Variants in NRG1 observed in about 807,000 individuals in gnomAD.
NRG1 encodes neuregulin 1.
In NRG1, 18 loss-of-function variants were observed where a neutral mutation model predicts 63.8. The observed-to-expected ratio is 0.28, with a 90% CI of 0.19 to 0.42. NRG1 has a LOEUF of 0.42. NRG1 is among the 10% of genes least tolerant of loss of function. The probability of loss-of-function intolerance (pLI) is 1.00; values close to 1 mark genes in which losing one functional copy is unlikely to be tolerated. For synonymous variants in NRG1, 302 were observed against 301.3 expected (o/e 1.00, Z -0.02); for missense variants, 762 against 814.7 (o/e 0.94, Z 0.79).
At chr8:32,575,903 A>T (rs1030386481) in intron 1 of NRG1, among the ~76,000 whole-genome samples, 4 of 152,220 alleles carry the variant, frequency 2.6e-5, no homozygotes, top group African/African-American at 9.6e-5. Context: ...AAAGTTTAGG[A>T]AAAAAGTATC....
intron 1 of NRG1, among the ~76,000 whole-genome samples, chr8:32,066,114 A>C (rs1824769449): frequency 6.6e-6 from 1 of 152,182 alleles, no homozygotes. Context: ...AGATTGCAAA[A>C]ATTTTCTCCC....
intron 1 of NRG1, among the ~76,000 whole-genome samples, chr8:32,527,596 A>C (rs989311275): frequency 1.4e-5 from 2 of 144,728 alleles, no homozygotes; most frequent in Admixed American, 1.3e-4. Flanking sequence ...ATCGCTATTC[A>C]GTATATCAGT....
chr8:32,637,787 C>A (rs1363103461), intron 5 of NRG1, among the ~76,000 whole-genome samples: 1 of 152,126 alleles, frequency 6.6e-6, no homozygotes, highest in African/African-American at 2.4e-5. Context: ...CTGGAGCACA[C>A]ATTTTGTGTG....
intron 1 of NRG1, among the ~76,000 whole-genome samples, chr8:32,204,266 C>T (rs1031516073): frequency 1.3e-4 from 20 of 152,142 alleles, no homozygotes; most frequent in Non-Finnish European, 1.2e-4. Context: ...AGACAGCAAA[C>T]CATTGAAAGA....
intron 1 of NRG1, among the ~76,000 whole-genome samples, chr8:32,414,777 T>C (rs1815622327): frequency 6.6e-6 from 1 of 152,182 alleles, no homozygotes; most frequent in Non-Finnish European, 1.5e-5. Flanking sequence ...CGACAAAATC[T>C]CTGCTCTCAA....
intron 1 of NRG1, among the ~76,000 whole-genome samples, chr8:31,805,122 A>C (rs925968617): frequency 6.6e-6 from 1 of 152,236 alleles, no homozygotes; most frequent in Non-Finnish European, 1.5e-5. Context: ...TATTAGCAAC[A>C]GGTTTTGAAA....
intron 1 of NRG1, among the ~76,000 whole-genome samples, chr8:31,690,845 T>C (rs1483905810): frequency 6.6e-6 from 1 of 152,122 alleles, no homozygotes; most frequent in African/African-American, 2.4e-5. Context: ...GTTGGGCCTG[T>C]TATAAAGTTG....
intron 1 of NRG1, among the ~76,000 whole-genome samples, chr8:31,854,220 C>T (rs1338674359): frequency 2.6e-5 from 4 of 151,512 alleles, no homozygotes; most frequent in East Asian, 1.9e-4. Flanking sequence ...TGGTAGAATT[C>T]GGCTGTGAAT....
At chr8:32,466,629 T>G (rs1823100321) in intron 1 of NRG1, among the ~76,000 whole-genome samples, 1 of 152,188 alleles carries the variant, frequency 6.6e-6, no homozygotes, top group Non-Finnish European at 1.5e-5. Context: ...TCTAAAAGCC[T>G]GCAGTTATTA....
intron 1 of NRG1, among the ~76,000 whole-genome samples, chr8:31,762,222 T>C (rs1185733592): frequency 6.6e-6 from 1 of 152,192 alleles, no homozygotes; most frequent in Non-Finnish European, 1.5e-5. Context: ...CAGGCCCTGA[T>C]GTGTGTCATT....
intron 1 of NRG1, among the ~76,000 whole-genome samples, chr8:32,353,378 CTG>C (rs1047526229): frequency 2.6e-5 from 4 of 151,094 alleles, no homozygotes; most frequent in Non-Finnish European, 4.4e-5. Flanking sequence ...TATAATAAAA[CTG>C]TAAATTTACA....
At chr8:32,554,282 A>C (rs924188177) in intron 1 of NRG1, among the ~76,000 whole-genome samples, 2 of 152,180 alleles carry the variant, frequency 1.3e-5, no homozygotes, top group African/African-American at 4.8e-5. Flanking sequence ...AATTTTGTGC[A>C]TGTCTGCACT....
At chr8:32,048,430 T>C (rs1469072961) in intron 1 of NRG1, among the ~76,000 whole-genome samples, 3 of 98,754 alleles carry the variant, frequency 3.0e-5, no homozygotes, top group Non-Finnish European at 5.7e-5. Context: ...CATGCATATG[T>C]ACACATATAT....
In NRG1 at chr8:32,742,939, T is replaced by C. The variant is rs764437534; in HGVS notation, c.691+206T>C. ...TGTTCGCGACTAGTTGGCTCTGAGA[T>C]ACTAATAGGTGTGTGAGGCTCCGGA... On this transcript the variant is annotated intron_variant, in intron 7 of 11. Coordinates refer to ENST00000356819, the Ensembl canonical transcript of NRG1. This position sits in a 1 kb window ranked among gnomAD's most constrained non-coding sequence, Gnocchi z 4.2. 3.6e-5 allele frequency: 52 copies of C among 1,439,276 alleles called. No individual in the cohort carries two copies. Among genetic ancestry groups the C allele is most frequent in the Non-Finnish European group, 4.4e-5 (48 of 1,094,550 alleles). 89.2% of individuals were successfully genotyped at this position (1,439,276 alleles called of 1,614,324 possible).
At chr8:32,773,172 G>T (rs1831913203) in intron 7 of NRG1, among the ~76,000 whole-genome samples, 1 of 152,174 alleles carries the variant, frequency 6.6e-6, no homozygotes, top group Non-Finnish European at 1.5e-5. Flanking sequence ...AGTCCTCTTT[G>T]ATTAGTGGTG....
chr8:31,892,468 C>T (rs1831230561), intron 1 of NRG1, among the ~76,000 whole-genome samples: 1 of 152,064 alleles, frequency 6.6e-6, no homozygotes, highest in African/African-American at 2.4e-5. Flanking sequence ...TGTGTACACA[C>T]ACAAAAATAG....
intron 5 of NRG1, among the ~76,000 whole-genome samples, chr8:32,624,241 C>G (rs985752054): frequency 6.6e-6 from 1 of 152,158 alleles, no homozygotes; most frequent in Admixed American, 6.5e-5. Context: ...TGCATCATGT[C>G]TGACCCTAAA....
At chr8:32,677,696 T>C (rs1807507629) in intron 5 of NRG1, among the ~76,000 whole-genome samples, 1 of 152,126 alleles carries the variant, frequency 6.6e-6, no homozygotes, top group African/African-American at 2.4e-5. Context: ...TTATATTTTC[T>C]GGAATTTTTT....
At chr8:32,155,742 G>A (rs1837991119) in intron 1 of NRG1, among the ~76,000 whole-genome samples, 1 of 152,240 alleles carries the variant, frequency 6.6e-6, no homozygotes, top group East Asian at 1.9e-4. Context: ...CATTGAATCT[G>A]ATCGTATTCT....
Sources: allele counts gnomAD v4.1 joint callset (sites outside exome capture counted in the v4.1 genomes callset), GRCh38; gene constraint gnomAD v4.1.1; non-coding constraint Gnocchi (gnomAD v3.1); transcripts MANE v1.5; gene names NCBI Gene and HGNC (gene_info 2026-07-23, HGNC 2026-07-21).